Variants in RPS6KA6 observed in about 807,000 individuals in gnomAD.
RPS6KA6 encodes the protein ribosomal protein S6 kinase alpha-6.
In RPS6KA6, 27 loss-of-function variants were observed where a neutral mutation model predicts 65.4. That is an observed-to-expected ratio of 0.41 (90% CI 0.30 to 0.57). RPS6KA6 has a LOEUF of 0.57. Ranked by LOEUF, RPS6KA6 falls within the 20% of genes least tolerant of loss-of-function variation. The pLI, the probability that RPS6KA6 is intolerant of heterozygous loss-of-function variation, is 0.24. For synonymous variants in RPS6KA6, 190 were observed against 184.2 expected (o/e 1.03, Z -0.26); for missense variants, 486 against 555.6 (o/e 0.87, Z 1.26).
chrX:84,161,562 A>G (rs940772760), intron 2 of RPS6KA6, among the ~76,000 whole-genome samples: 3 of 110,911 alleles, frequency 2.7e-5, no homozygotes, highest in African/African-American at 6.5e-5. Context: ...CAAATAGAGG[A>G]AAAAAAAATC....
intron 20 of RPS6KA6, among the ~76,000 whole-genome samples, chrX:84,081,896 C>T (rs1420315035): frequency 8.9e-6 from 1 of 111,881 alleles, no homozygotes. Context: ...AATTCAACAC[C>T]CGTTCATGCT....
At chrX:84,150,820 T>TATATATAGAGAGAGG (rs2035288262) in intron 3 of RPS6KA6, among the ~76,000 whole-genome samples, 1 of 101,243 alleles carries the variant, frequency 9.9e-6, no homozygotes, top group African/African-American at 3.6e-5. Flanking sequence ...ATATATAGGA[T>TATATATAGAGAGAGG]ATATATATAG....
intron 20 of RPS6KA6, among the ~76,000 whole-genome samples, chrX:84,087,138 A>T (rs1042830232): frequency 9.0e-6 from 1 of 111,180 alleles, no homozygotes; most frequent in Non-Finnish European, 1.9e-5. Context: ...TAATTGAGGA[A>T]TTTAGCCTAT....
intron 6 of RPS6KA6, among the ~76,000 whole-genome samples, chrX:84,138,322 G>A (rs1476468786): frequency 3.6e-5 from 4 of 110,836 alleles, no homozygotes; most frequent in Non-Finnish European, 7.6e-5. Flanking sequence ...GGAGGCCAAC[G>A]CGTGAGGATC....
In RPS6KA6 at chrX:84,164,387, C is replaced by T. The variant is rs777970241; in HGVS notation, c.82G>A (p.Val28Ile). ...FSGGGASSGEVNGLKMVDEPM... is the reference protein window; with the variant it reads ...FSGGGASSGEINGLKMVDEPM... ...TCATCAACCATTTTAAGACCATTTA[C>T]CTGAAAAACATTGTTCAAAAATTGA... The change falls in exon 2 of 22, where the codon GTA becomes ATA. Residue 28 changes from valine (V) to isoleucine (I), a missense_variant and splice_region_variant. Around this residue, in one of 3 missense-constraint regions of RPS6KA6, gnomAD observed 106 missense variants for 105.0 expected, o/e 1.01. Transcript: ENST00000262752. 7 of 1,181,879 alleles carry T rather than the reference C, an allele frequency of 5.9e-6. No individual in the cohort carries two copies. Among genetic ancestry groups the T allele is most frequent in the Non-Finnish European group, 8.0e-6 (7 of 872,355 alleles).
At chrX:84,180,719 T>C (rs2035838692) in intron 1 of RPS6KA6, among the ~76,000 whole-genome samples, 1 of 112,182 alleles carries the variant, frequency 8.9e-6, no homozygotes, top group Non-Finnish European at 1.9e-5. Context: ...TTAACTTAAA[T>C]AGACAGGCAT....
At chrX:84,181,024 A>G (rs973674608) in intron 1 of RPS6KA6, among the ~76,000 whole-genome samples, 3 of 111,927 alleles carry the variant, frequency 2.7e-5, no homozygotes, top group African/African-American at 9.7e-5. Context: ...TTCATGCTCA[A>G]TAAACGCTAT....
At chrX:84,115,317 AAAG>A (rs941698282) in intron 12 of RPS6KA6, among the ~76,000 whole-genome samples, 2 of 112,227 alleles carry the variant, frequency 1.8e-5, no homozygotes, top group African/African-American at 6.5e-5. Flanking sequence ...GCATTTTACA[AAAG>A]AAGACATACA....
At chrX:84,167,900 AAG>A (rs773007138) in intron 1 of RPS6KA6, among the ~76,000 whole-genome samples, 16 of 111,167 alleles carry the variant, frequency 1.4e-4, no homozygotes, top group African/African-American at 2.9e-4. Flanking sequence ...CTACATGAAA[AAG>A]AGTGAATTTT....
intron 6 of RPS6KA6, among the ~76,000 whole-genome samples, chrX:84,140,849 A>T (rs2035088586): frequency 9.2e-6 from 1 of 108,724 alleles, no homozygotes; most frequent in Admixed American, 1.0e-4. Flanking sequence ...AAAAGAAAGA[A>T]CCCACTCAGC....
intron 20 of RPS6KA6, among the ~76,000 whole-genome samples, chrX:84,085,438 T>C (rs777471829): frequency 1.8e-5 from 2 of 110,295 alleles, no homozygotes; most frequent in African/African-American, 3.3e-5. Context: ...ATTGAGATAA[T>C]TGTGGTTTTT....
chrX:84,072,310 A>G (rs1240194940), intron 20 of RPS6KA6, among the ~76,000 whole-genome samples: 1 of 112,203 alleles, frequency 8.9e-6, no homozygotes, highest in Admixed American at 9.5e-5. Context: ...ACGCCATATG[A>G]TAAATTTAAA....
At chrX:84,150,557 C>T (rs191759894) in intron 3 of RPS6KA6, among the ~76,000 whole-genome samples, 189 of 109,307 alleles carry the variant, frequency 1.7e-3, no homozygotes, top group Non-Finnish European at 3.2e-3. Context: ...AATAGAGGGG[C>T]CCAAGGAGAC....
Position 84,151,028 on chromosome X carries a change from A to G in RPS6KA6, c.259-2905T>C, listed in dbSNP as rs1419070873. Among the ~76,000 whole-genome samples, 10 of 35,583 alleles carry G rather than the reference A, an allele frequency of 2.8e-4. 2 individuals carry two copies. Among genetic ancestry groups the G allele is most frequent in the Non-Finnish European group, 7.0e-4 (7 of 10,071 alleles). 30.9% of individuals were successfully genotyped at this position (35,583 alleles called of 115,157 possible). A position where few individuals can be genotyped will look rare whatever the true frequency, so the allele number is the denominator to read the frequency against. ...GAGAGGATATATAGAGAGAGGATAT[A>G]TAGAGAGGATATATATATAGAGGAT... On this transcript the variant is annotated intron_variant, in intron 3 of 21. Transcript: ENST00000262752.
At chrX:84,168,113 C>G (rs764711604) in intron 1 of RPS6KA6, among the ~76,000 whole-genome samples, 3 of 111,113 alleles carry the variant, frequency 2.7e-5, no homozygotes, top group African/African-American at 9.8e-5. Flanking sequence ...GACCACTCTC[C>G]TATTTGAGTC....
intron 12 of RPS6KA6, among the ~76,000 whole-genome samples, chrX:84,112,490 A>G (rs2034486574): frequency 8.9e-6 from 1 of 112,265 alleles, no homozygotes; most frequent in Admixed American, 9.4e-5. Flanking sequence ...CCACAGTAGA[A>G]TAAAATTAGA....
chrX:84,077,431 A>G (rs187439792), intron 20 of RPS6KA6, among the ~76,000 whole-genome samples: 1 of 112,080 alleles, frequency 8.9e-6, no homozygotes, highest in Non-Finnish European at 1.9e-5. Flanking sequence ...GATCAGTGAA[A>G]CAGAATAGGA....
intron 1 of RPS6KA6, among the ~76,000 whole-genome samples, chrX:84,180,137 C>A (rs1364085284): frequency 9.0e-6 from 1 of 111,557 alleles, no homozygotes; most frequent in Non-Finnish European, 1.9e-5. Context: ...CCACTCTGAT[C>A]CTTTAAGTAG....
chrX:84,129,966 T>C (rs530460033), intron 8 of RPS6KA6, among the ~76,000 whole-genome samples: 2 of 110,926 alleles, frequency 1.8e-5, no homozygotes, highest in African/African-American at 6.5e-5. Context: ...AATAATTTAA[T>C]TATACATTTT....
Sources: gnomAD v4.1 joint callset for allele counts (sites outside exome capture counted in the v4.1 genomes callset) on GRCh38, gnomAD v4.1.1 for gene constraint, gnomAD v4.1.1 regional missense constraint, MANE v1.5 for transcripts, NCBI Gene and HGNC (gene_info 2026-07-23, HGNC 2026-07-21) for gene names.